TTC6: variants seen among roughly 807,000 people sequenced by gnomAD.
TTC6 encodes tetratricopeptide repeat protein 6.
TTC6 carries 172 observed loss-of-function variants against 210.4 expected under a neutral mutation model. That is an observed-to-expected ratio of 0.82 (90% CI 0.72 to 0.93). The LOEUF (loss-of-function observed/expected upper bound fraction) is 0.93. TTC6 is among the 40% of genes least tolerant of loss of function. The pLI is 0.00. For synonymous variants in TTC6, 804 were observed against 819.6 expected (o/e 0.98, Z 0.32); for missense variants, 2,414 against 2,318.1 (o/e 1.04, Z -0.85).
chr14:37,613,779 T>C (rs1191575191), intron 2 of TTC6, among the ~76,000 whole-genome samples: 1 of 151,256 alleles, frequency 6.6e-6, no homozygotes, highest in Non-Finnish European at 1.5e-5. Flanking sequence ...TTTTTAAAAT[T>C]GTCCTTTAGT....
chr14:37,716,401 T>C (rs1413457411), intron 6 of TTC6, among the ~76,000 whole-genome samples: 1 of 151,998 alleles, frequency 6.6e-6, no homozygotes, highest in Non-Finnish European at 1.5e-5. Context: ...AGTGGTAAAA[T>C]GGATTAAAAC....
At chr14:37,834,274 T>C (rs1233227737) in intron 29 of TTC6, among the ~76,000 whole-genome samples, 1 of 63,540 alleles carries the variant, frequency 1.6e-5, no homozygotes, top group Non-Finnish European at 5.8e-5. Flanking sequence ...ACTGAATAGG[T>C]TTTCTATGAC....
At position 37,622,815 on chromosome 14, in the gene TTC6, C is replaced by T. The variant is rs918546630; in HGVS notation, c.751C>T (p.Gln251Ter). The change falls in exon 1 of 31, where the codon CAG becomes TAG. Residue 251 changes from glutamine to a stop codon, truncating the protein, a stop_gained. Coordinates refer to ENST00000553443, the Ensembl canonical transcript of TTC6. LOFTEE classifies it high-confidence loss of function. Reference sequence around the variant, plus strand: ...GGCGGGGTTAGGAGCCCAGGGAGAACAGGAGAGCTGGCCGCCCAGCGACGC... The same window carrying T: ...GGCGGGGTTAGGAGCCCAGGGAGAATAGGAGAGCTGGCCGCCCAGCGACGC... 1.3e-6 allele frequency: 2 copies of T among 1,533,818 alleles called. No individual in the cohort carries two copies. The highest frequency in any genetic ancestry group is 2.0e-5 in the Admixed American group (1 of 50,890).
At chr14:37,749,651 A>G (rs950916142) in intron 11 of TTC6, 63 bp from the exon 14 acceptor site, 34 of 1,190,994 alleles carry the variant, frequency 2.9e-5, no homozygotes, top group Middle Eastern at 6.1e-4. Context: ...TTAAAAATTT[A>G]TTTGATAGGA....
chr14:37,808,958 A>G (rs1401967310), intron 24 of TTC6, 112 bp downstream of exon 26: 4 of 554,718 alleles, frequency 7.2e-6, no homozygotes, highest in Non-Finnish European at 6.3e-6. Flanking sequence ...ATGTTAAAGC[A>G]TTTGTAAACT....
chr14:37,751,068 A>C (rs988553528), exon 13 of TTC6: 9 of 1,523,804 alleles, frequency 5.9e-6, no homozygotes, highest in Admixed American at 2.0e-5. Flanking sequence ...TATTTGTCAA[A>C]AGCAGAAATT....
intron 5 of TTC6, among the ~76,000 whole-genome samples, chr14:37,705,403 A>T (rs2095833542): frequency 6.6e-6 from 1 of 152,184 alleles, no homozygotes; most frequent in African/African-American, 2.4e-5. Context: ...TGCGAAAATG[A>T]AAAACAATTA....
intron 1 of TTC6, among the ~76,000 whole-genome samples, chr14:37,674,518 T>C (rs755471583): frequency 1.3e-5 from 2 of 152,116 alleles, no homozygotes; most frequent in Non-Finnish European, 2.9e-5. Context: ...AATAAGCATA[T>C]GAGGTATGTG....
In TTC6 at chr14:37,800,838, A is replaced by T. The variant is rs151214210; in HGVS notation, c.4030-3842A>T. On this transcript the variant is annotated intron_variant, in intron 20 of 30. Transcript: ENST00000553443. ...ACACTGACAATTTGGACTTAGACAG[A>T]GAGAGTACAAAACGAAAGAAGGCTG... 1.2e-4 allele frequency among the ~76,000 whole-genome samples: 18 copies of T among 152,336 alleles called. No homozygotes were observed. The East Asian group carries it at 3.3e-3, about 28-fold the overall frequency.
chr14:37,809,454 A>G (rs1424649170), intron 24 of TTC6, among the ~76,000 whole-genome samples: 2 of 152,148 alleles, frequency 1.3e-5, no homozygotes, highest in Admixed American at 1.3e-4. Context: ...GGGTTTCACC[A>G]TGTTAGCCAG....
In TTC6 at chr14:37,809,942, C is replaced by T. The variant is rs114197998; in HGVS notation, c.4569+1096C>T. 7.6e-3 allele frequency among the ~76,000 whole-genome samples: 1,151 copies of T among 152,246 alleles called. 20 individuals are homozygous for T. The highest frequency in any genetic ancestry group is 0.026 in the African/African-American group (1,074 of 41,534). Reference sequence around the variant, plus strand: ...TCCTGCCCATGTCCATAGTAAATGACGCATTCTTTTAAAAGGCTAGGTCAC... The same window carrying T: ...TCCTGCCCATGTCCATAGTAAATGATGCATTCTTTTAAAAGGCTAGGTCAC... On this transcript the variant is annotated intron_variant, in intron 24 of 30. Coordinates refer to ENST00000553443, the Ensembl canonical transcript of TTC6.
chr14:37,599,237 C>T (rs1566830085), intron 1 of TTC6, among the ~76,000 whole-genome samples: 1 of 152,200 alleles, frequency 6.6e-6, no homozygotes. Flanking sequence ...TCGCTGCCTT[C>T]CTTTTATTTT....
chr14:37,787,005 G>A (rs1175155781), intron 14 of TTC6, among the ~76,000 whole-genome samples: 1 of 152,126 alleles, frequency 6.6e-6, no homozygotes, highest in Non-Finnish European at 1.5e-5. Flanking sequence ...TGAAAGAGCA[G>A]ACTTTCACGT....
At chr14:37,754,440 T>C (rs2095961634) in intron 14 of TTC6, among the ~76,000 whole-genome samples, 1 of 151,872 alleles carries the variant, frequency 6.6e-6, no homozygotes, top group Non-Finnish European at 1.5e-5. Flanking sequence ...TTTCTTTCTT[T>C]TTTTTTTTTG....
intron 14 of TTC6, among the ~76,000 whole-genome samples, chr14:37,754,480 T>G (rs1322224015): frequency 6.6e-6 from 1 of 152,060 alleles, no homozygotes; most frequent in African/African-American, 2.4e-5. Context: ...TCACCCAGAC[T>G]GGAGTGCGAT....
At chr14:37,605,599 G>A (rs2095623700) in intron 1 of TTC6, among the ~76,000 whole-genome samples, 1 of 152,088 alleles carries the variant, frequency 6.6e-6, no homozygotes, top group Non-Finnish European at 1.5e-5. Context: ...CCAGGCATTG[G>A]TTCTCTAAGC....
intron 14 of TTC6, among the ~76,000 whole-genome samples, chr14:37,784,433 G>A (rs2096062785): frequency 6.6e-6 from 1 of 152,060 alleles, no homozygotes; most frequent in Admixed American, 6.6e-5. Context: ...TCAGAGACCA[G>A]GATTACAACC....
chr14:37,789,246 G>A (rs1484933872), intron 15 of TTC6, among the ~76,000 whole-genome samples: 1 of 152,086 alleles, frequency 6.6e-6, no homozygotes, highest in Non-Finnish European at 1.5e-5. Context: ...GTAATGCTAG[G>A]AGCTCGGTAC....
intron 14 of TTC6, among the ~76,000 whole-genome samples, chr14:37,773,904 T>A (rs1418161165): frequency 6.6e-6 from 1 of 152,124 alleles, no homozygotes; most frequent in African/African-American, 2.4e-5. Context: ...GAATGTTTTT[T>A]TCGTTTGTTT....
Sources: gnomAD v4.1 joint callset for allele counts (sites outside exome capture counted in the v4.1 genomes callset) on GRCh38, gnomAD v4.1.1 for gene constraint, MANE v1.5 for transcripts, NCBI Gene and HGNC (gene_info 2026-07-23, HGNC 2026-07-21) for gene names.